LRRC2: variants seen among roughly 807,000 people sequenced by gnomAD.
The protein encoded by LRRC2 is leucine rich repeat containing 2, also known as leucine-rich repeat-containing protein 2.
A neutral mutation model predicts 40.2 loss-of-function variants in LRRC2; 27 were observed. That is an observed-to-expected ratio of 0.67 (90% CI 0.49 to 0.93). The LOEUF is 0.93. Among genes scored for constraint, LRRC2 ranks in the 40% least tolerant of loss-of-function variants. LRRC2 has a pLI of 0.00. For synonymous variants in LRRC2, 147 were observed against 158.9 expected (o/e 0.92, Z 0.56); for missense variants, 402 against 439.6 (o/e 0.91, Z 0.76).
At chr3:46,523,497 A>G (rs78077424) in intron 7 of LRRC2, among the ~76,000 whole-genome samples, 1,861 of 152,278 alleles carry the variant, frequency 0.012, 42 homozygotes, top group African/African-American at 0.041. Context: ...CCAAATTTTT[A>G]CCTACTATTT....
At chr3:46,521,424 A>G (rs144872619) in intron 8 of LRRC2, 98 bp downstream of exon 8, 1 of 941,354 alleles carries the variant, frequency 1.1e-6, no homozygotes, top group Non-Finnish European at 1.5e-6. Flanking sequence ...CCCCTCAACC[A>G]ATAAACTTTT....
intron 4 of LRRC2, 37 bp from the exon 5 acceptor site, chr3:46,532,946 C>T (rs755100696): frequency 5.6e-6 from 9 of 1,596,836 alleles, no homozygotes; most frequent in South Asian, 2.3e-5. Flanking sequence ...TTGAATAGGT[C>T]GTTTAAGGTC....
intron 1 of LRRC2, among the ~76,000 whole-genome samples, chr3:46,552,045 G>C (rs1704668558): frequency 6.6e-6 from 1 of 151,982 alleles, no homozygotes; most frequent in African/African-American, 2.4e-5. Flanking sequence ...ATGTTCTTAA[G>C]GTTTGGTAGT....
chr3:46,534,796 C>T (rs1157707383), intron 4 of LRRC2, among the ~76,000 whole-genome samples: 1 of 152,172 alleles, frequency 6.6e-6, no homozygotes, highest in Admixed American at 6.5e-5. Flanking sequence ...CCTTCATCAG[C>T]CCTCAATAGA....
At chr3:46,556,038 T>C (rs1341035292) in intron 1 of LRRC2, among the ~76,000 whole-genome samples, 1 of 152,186 alleles carries the variant, frequency 6.6e-6, no homozygotes, top group Non-Finnish European at 1.5e-5. Flanking sequence ...ATCCATAGTT[T>C]CTGATTAGAA....
Position 46,527,601 on chromosome 3 carries a change from A to G in LRRC2, c.774-20T>C, listed in dbSNP as rs778326105. 14 of 1,610,738 alleles carry G rather than the reference A, an allele frequency of 8.7e-6. No individual in the cohort carries two copies. Among genetic ancestry groups the G allele is most frequent in the East Asian group, 2.2e-5 (1 of 44,876 alleles). On this transcript the variant is annotated intron_variant, in intron 6 of 8. Transcript: ENST00000395905. Reference sequence around the variant, plus strand: ...TCTAGCCTAAGAAGAGGTAAAAACAATCATAGCACTGGACTTAGCATCATA... The same window carrying G: ...TCTAGCCTAAGAAGAGGTAAAAACAGTCATAGCACTGGACTTAGCATCATA...
chr3:46,556,538 A>G (rs2107050705), intron 1 of LRRC2, among the ~76,000 whole-genome samples: 1 of 137,020 alleles, frequency 7.3e-6, no homozygotes, highest in East Asian at 2.2e-4. Flanking sequence ...CTTGGTTTAT[A>G]TCTTTTGACA....
chr3:46,521,522 C>A lies in LRRC2; in HGVS notation c.1066G>T (p.Glu356Ter), dbSNP rs1401106802. The stretch of plus-strand genomic sequence containing the variant: ...ATAATTTTAAATATGAGTAACCCAC[C>A]TCTTTCTTTAAGGTCTTCAATATAG... ...KAYIEDLKER[E>*]SVPSYTTKVS... Residue 356 changes from glutamate to a stop codon, truncating the protein, a stop_gained and splice_region_variant, in exon 8 of 9, where the codon GAA becomes TAA. Coordinates refer to ENST00000395905, the MANE Select transcript of LRRC2 (RefSeq NM_024512.5). LOFTEE classifies it high-confidence loss of function. 1.6e-5 allele frequency: 25 copies of A among 1,595,840 alleles called. No individual in the cohort carries two copies. Among genetic ancestry groups the A allele is most frequent in the Non-Finnish European group, 2.1e-5 (25 of 1,170,380 alleles).
intron 1 of LRRC2, chr3:46,558,469 G>C (rs1287935870): frequency 2.0e-5 from 3 of 152,164 alleles, no homozygotes; most frequent in Non-Finnish European, 2.9e-5. Context: ...GCTATGTTCC[G>C]TGTGCACCAC....
intron 2 of LRRC2, among the ~76,000 whole-genome samples, chr3:46,550,856 G>A (rs900136108): frequency 3.3e-5 from 5 of 152,130 alleles, no homozygotes; most frequent in Non-Finnish European, 5.9e-5. Flanking sequence ...TCCAGTTCTG[G>A]TTTCTCCACA....
intron 7 of LRRC2, among the ~76,000 whole-genome samples, chr3:46,523,588 A>G (rs1704002622): frequency 6.6e-6 from 1 of 152,176 alleles, no homozygotes; most frequent in South Asian, 2.1e-4. Context: ...CCCATGTACA[A>G]TCCCCTAGAT....
chr3:46,551,732 C>A, intron 1 of LRRC2, 122 bp from the exon 2 acceptor site: 3 of 372,042 alleles, frequency 8.1e-6, no homozygotes, highest in Non-Finnish European at 8.8e-6. Flanking sequence ...TGCCTTACTA[C>A]TTCAAGGATG....
intron 1 of LRRC2, among the ~76,000 whole-genome samples, chr3:46,557,170 A>G (rs555260708): frequency 1.1e-3 from 171 of 152,236 alleles, no homozygotes; most frequent in Non-Finnish European, 2.1e-3. Flanking sequence ...CCCCGCCTTA[A>G]CTGATGACAT....
intron 4 of LRRC2, among the ~76,000 whole-genome samples, chr3:46,533,794 T>A (rs1399950192): frequency 6.7e-6 from 1 of 150,248 alleles, no homozygotes; most frequent in Non-Finnish European, 1.5e-5. Context: ...TTTCTTTCTT[T>A]CTTTGTTTCT....
intron 2 of LRRC2, among the ~76,000 whole-genome samples, chr3:46,550,944 G>A (rs9311391): frequency 6.6e-6 from 1 of 151,960 alleles, no homozygotes; most frequent in Admixed American, 6.6e-5. Context: ...ACTCAACTTG[G>A]TGTTCATATA....
intron 1 of LRRC2, 25 bp from the exon 2 acceptor site, chr3:46,551,635 T>C (rs749596021): frequency 6.4e-7 from 1 of 1,551,150 alleles, no homozygotes; most frequent in South Asian, 1.2e-5. Flanking sequence ...TATAGATATG[T>C]CAGCTTGATA....
In LRRC2 at chr3:46,515,502, T is replaced by A. The variant is rs1225313005; in HGVS notation, c.*3512A>T. On this transcript the variant is annotated 3_prime_UTR_variant, in exon 9 of 9. Coordinates refer to ENST00000395905, the MANE Select transcript of LRRC2 (RefSeq NM_024512.5). ...ATCAGTCTATTTGCATCATGTCAAA[T>A]TTTCAAATCTCCATATTTTCACAAG... 1.3e-5 allele frequency: 2 copies of A among 152,194 alleles called. No individual in the cohort carries two copies. Among genetic ancestry groups the A allele is most frequent in the African/African-American group, 2.4e-5 (1 of 41,460 alleles). The allele number at this position is 152,194 out of a possible 1,614,324, so 9.4% of individuals were successfully genotyped here.
At chr3:46,520,877 G>A (rs2106973133) in intron 8 of LRRC2, among the ~76,000 whole-genome samples, 1 of 152,266 alleles carries the variant, frequency 6.6e-6, no homozygotes, top group Admixed American at 6.5e-5. Context: ...CTTTTTCCTG[G>A]GGAAGCTGTC....
intron 1 of LRRC2, chr3:46,559,504 C>A (rs1575363924): frequency 6.6e-6 from 1 of 152,268 alleles, no homozygotes; most frequent in East Asian, 1.9e-4. Flanking sequence ...GAGGTTCTTT[C>A]ATTTCCTCAG....
Sources: allele counts gnomAD v4.1 joint callset (sites outside exome capture counted in the v4.1 genomes callset), GRCh38; gene constraint gnomAD v4.1.1; transcripts MANE v1.5; gene names NCBI Gene and HGNC (gene_info 2026-07-23, HGNC 2026-07-21).